The following SLF1 variants were observed in gnomAD, a reference collection of about 807,000 sequenced individuals.
SLF1 encodes SMC5/6 complex localization factor 1.
A neutral mutation model predicts 123.0 loss-of-function variants in SLF1; 105 were observed. The ratio of observed to expected loss-of-function variants is 0.85; its 90% CI spans 0.73 to 1.00. The LOEUF is 1.00. Among genes scored for constraint, SLF1 ranks in the 50% least tolerant of loss-of-function variants. The pLI, the probability that SLF1 is intolerant of heterozygous loss-of-function variation, is 0.00. For missense variants in SLF1, 1,239 were observed against 1,223.0 expected (o/e 1.01, Z -0.20); for synonymous variants, 434 against 406.6 (o/e 1.07, Z -0.81).
intron 7 of SLF1, among the ~76,000 whole-genome samples, chr5:94,652,932 G>A (rs547718478): frequency 6.6e-6 from 1 of 152,134 alleles, no homozygotes; most frequent in African/African-American, 2.4e-5. Flanking sequence ...ATCTCAGCTC[G>A]CCACAACCTC....
chr5:94,639,038 T>TTTTTG (rs1746150052), intron 4 of SLF1, among the ~76,000 whole-genome samples: 1 of 52,436 alleles, frequency 1.9e-5, no homozygotes, highest in African/African-American at 1.2e-4. Flanking sequence ...TTTTCTTCCC[T>TTTTTG]TTTTTTTTTT....
chr5:94,676,346 C>T (rs1413656035), intron 14 of SLF1, among the ~76,000 whole-genome samples: 2 of 152,160 alleles, frequency 1.3e-5, no homozygotes, highest in Non-Finnish European at 2.9e-5. Flanking sequence ...GCAGTGTTTT[C>T]TGGAGACTAG....
chr5:94,642,967 T>C (rs1241279455), intron 4 of SLF1, among the ~76,000 whole-genome samples: 1 of 152,146 alleles, frequency 6.6e-6, no homozygotes, highest in African/African-American at 2.4e-5. Flanking sequence ...ACTTCTTTCA[T>C]TATCTTTTGG....
rs1753465246 is a variant in SLF1, at chr5:94,695,552, T to C, written c.*240T>C. The C allele has an allele frequency of 3.8e-6, 1 of 260,880 alleles. No homozygotes were observed. The highest frequency in any genetic ancestry group is 1.2e-4 in the South Asian group (1 of 8,676). The allele number at this position is 260,880 out of a possible 1,614,324, so 16.2% of individuals were successfully genotyped here. A position where few individuals can be genotyped will look rare whatever the true frequency, so the allele number is the denominator to read the frequency against. On this transcript the variant is annotated 3_prime_UTR_variant, in exon 21 of 21. Transcript: ENST00000265140. The stretch of plus-strand genomic sequence containing the variant: ...TAAAAATAATTTTGTTTTAGTATAT[T>C]CTACTTTCATTAATGTTTTTTTGTT...
chr5:94,638,943 C>T (rs1672730419), intron 4 of SLF1, among the ~76,000 whole-genome samples: 1 of 150,944 alleles, frequency 6.6e-6, no homozygotes, highest in South Asian at 2.1e-4. Flanking sequence ...CCTTTAATTG[C>T]ATTGTTGAGG....
intron 4 of SLF1, among the ~76,000 whole-genome samples, chr5:94,636,845 G>A (rs1441209234): frequency 6.7e-5 from 10 of 150,072 alleles, no homozygotes; most frequent in Non-Finnish European, 1.5e-4. Context: ...AGCCTCCCAA[G>A]TAGCTGGGAC....
At chr5:94,631,082 A>G (rs1224597384) in intron 4 of SLF1, among the ~76,000 whole-genome samples, 1 of 152,206 alleles carries the variant, frequency 6.6e-6, no homozygotes, top group Non-Finnish European at 1.5e-5. Context: ...TCACAAAAGC[A>G]TCATTCTGGG....
At chr5:94,690,695 T>A (rs1042008449) in intron 18 of SLF1, among the ~76,000 whole-genome samples, 11 of 152,152 alleles carry the variant, frequency 7.2e-5, no homozygotes, top group Non-Finnish European at 1.3e-4. Flanking sequence ...CAAATTAGAT[T>A]CAGTATTTCA....
At chr5:94,633,283 G>A (rs529516580) in intron 4 of SLF1, among the ~76,000 whole-genome samples, 24 of 152,220 alleles carry the variant, frequency 1.6e-4, no homozygotes, top group East Asian at 1.2e-3. Context: ...CACTGCGACC[G>A]GCCACTTGAT....
chr5:94,688,531 G>A lies in SLF1; in HGVS notation c.2147G>A (p.Gly716Glu), dbSNP rs755705327. The change falls in exon 17 of 21, where the codon GGG becomes GAG. Residue 716 changes from glycine to glutamate, a missense_variant. By Grantham distance (98) the Gly-to-Glu change is moderately conservative. Transcript: ENST00000265140. ...GTATATTCCTATTTACCAGCCTTGG[G>A]GAAAACTGGTGTGCTTGGGTCTGGA... ...KMVYSYLPAL[G>E]KTGVLGSGKI... is the part of the protein sequence containing the mutation. The A allele has an allele frequency of 6.2e-7, 1 of 1,613,924 alleles. No homozygotes were observed. Among genetic ancestry groups the A allele is most frequent in the Non-Finnish European group, 8.5e-7 (1 of 1,179,922 alleles).
intron 9 of SLF1, among the ~76,000 whole-genome samples, chr5:94,660,151 A>G (rs564943237): frequency 6.6e-6 from 1 of 152,232 alleles, no homozygotes; most frequent in African/African-American, 2.4e-5. Flanking sequence ...GGGCTGTCCT[A>G]GGCCCCAGAT....
At chr5:94,660,587 A>G (rs1748982189) in intron 9 of SLF1, among the ~76,000 whole-genome samples, 1 of 152,088 alleles carries the variant, frequency 6.6e-6, no homozygotes, top group African/African-American at 2.4e-5. Context: ...CGTATTGTGC[A>G]TTTACACAGT....
chr5:94,680,782 C>T (rs995778350), intron 15 of SLF1, among the ~76,000 whole-genome samples: 8 of 152,158 alleles, frequency 5.3e-5, no homozygotes, highest in East Asian at 1.9e-4. Context: ...AATTTCCCTT[C>T]GCTTTAAAGC....
chr5:94,661,912 G>A (rs886932893), intron 9 of SLF1, among the ~76,000 whole-genome samples: 10 of 151,970 alleles, frequency 6.6e-5, no homozygotes, highest in Middle Eastern at 3.4e-3. Context: ...AATTATGGGT[G>A]TTTTAAAACA....
At chr5:94,631,798 A>G (rs942125319) in intron 4 of SLF1, among the ~76,000 whole-genome samples, 14 of 152,204 alleles carry the variant, frequency 9.2e-5, no homozygotes, top group African/African-American at 3.4e-4. Flanking sequence ...TGAGATGGCA[A>G]TTATGTGTGT....
chr5:94,627,351 G>A (rs924848606), intron 1 of SLF1, among the ~76,000 whole-genome samples: 20 of 151,986 alleles, frequency 1.3e-4, no homozygotes, highest in African/African-American at 4.8e-4. Context: ...GAAAGATTGA[G>A]ATTTTTCTCT....
At chr5:94,641,836 A>G (rs1746482200) in intron 4 of SLF1, among the ~76,000 whole-genome samples, 1 of 152,216 alleles carries the variant, frequency 6.6e-6, no homozygotes, top group Non-Finnish European at 1.5e-5. Context: ...CATGGCAGCT[A>G]AATTCTGCCT....
At position 94,663,915 on chromosome 5, in the gene SLF1, G is replaced by A. The variant is rs1585179885; in HGVS notation, c.1368+7G>A. The stretch of plus-strand genomic sequence containing the variant: ...TCTAGAGAACGTTCTACAGGTAAGA[G>A]CAGCCTTAAGGATTTATAATCTTTT... On this transcript the variant is annotated splice_region_variant and intron_variant, in intron 11 of 20. Coordinates refer to ENST00000265140, the MANE Select transcript of SLF1 (RefSeq NM_032290.4). The A allele has an allele frequency of 4.0e-6, 6 of 1,502,492 alleles. No homozygotes were observed. Among genetic ancestry groups the A allele is most frequent in the Non-Finnish European group, 5.3e-6 (6 of 1,129,638 alleles). 93.1% of individuals were successfully genotyped at this position (1,502,492 alleles called of 1,614,324 possible).
At chr5:94,632,739 C>T (rs751849020) in intron 4 of SLF1, among the ~76,000 whole-genome samples, 7 of 151,936 alleles carry the variant, frequency 4.6e-5, no homozygotes, top group Admixed American at 2.0e-4. Context: ...CTCGGTCTGT[C>T]GCCCAGGCTG....
Sources: allele counts gnomAD v4.1 joint callset (sites outside exome capture counted in the v4.1 genomes callset), GRCh38; gene constraint gnomAD v4.1.1; transcripts MANE v1.5; gene names NCBI Gene and HGNC (gene_info 2026-07-23, HGNC 2026-07-21).